IQSEC1: variants seen among roughly 807,000 people sequenced by gnomAD.
The protein encoded by IQSEC1 is IQ motif and SEC7 domain-containing protein 1.
In IQSEC1, 31 loss-of-function variants were observed where a neutral mutation model predicts 91.0. The ratio of observed to expected loss-of-function variants is 0.34; its 90% confidence interval spans 0.26 to 0.46. The LOEUF is 0.46. Ranked by LOEUF, IQSEC1 falls within the 20% of genes least tolerant of loss-of-function variation. IQSEC1 has a pLI of 1.00. For missense variants in IQSEC1, 1,388 were observed against 1,575.6 expected, an observed-to-expected ratio of 0.88 and a Z score of 2.02; for synonymous variants, 699 against 662.6, an observed-to-expected ratio of 1.05 and a Z score of -0.84.
intron 1 of IQSEC1, among the ~76,000 whole-genome samples, chr3:13,232,017 A>G (rs75321846): frequency 0.052 from 7,904 of 152,298 alleles, 612 homozygotes; most frequent in East Asian, 0.35. Context: ...GCCCCAACCT[A>G]GTGCACTGAC....
chr3:13,220,971 C>T (rs187519088), intron 1 of IQSEC1, among the ~76,000 whole-genome samples: 5 of 152,366 alleles, frequency 3.3e-5, no homozygotes, highest in Admixed American at 3.3e-4. Context: ...AGCTGCTGGC[C>T]TCATCCATGG....
At chr3:13,005,211 G>A (rs188359206) in intron 1 of IQSEC1, among the ~76,000 whole-genome samples, 125 of 152,244 alleles carry the variant, frequency 8.2e-4, no homozygotes, top group African/African-American at 2.9e-3. Flanking sequence ...TGATAAACAG[G>A]TCTCTTCCCT....
chr3:13,132,064 T>G (rs1706629356), intron 2 of IQSEC1, among the ~76,000 whole-genome samples: 1 of 152,224 alleles, frequency 6.6e-6, no homozygotes, highest in African/African-American at 2.4e-5. Flanking sequence ...TTCTGAAAAC[T>G]GTTCACTGGA....
In IQSEC1 at chr3:12,992,899, G is replaced by A. The variant is rs1003818424; in HGVS notation, c.24-51034C>T. Among the ~76,000 whole-genome samples the A allele has an allele frequency of 1.3e-5, 2 of 152,208 alleles. No homozygotes were observed. The highest frequency in any genetic ancestry group is 2.9e-5 in the Non-Finnish European group (2 of 68,032). On this transcript the variant is annotated intron_variant, in intron 1 of 13. Coordinates refer to ENST00000613206, the MANE Select transcript of IQSEC1 (RefSeq NM_001134382.3). This position sits in a 1 kb window ranked among gnomAD's most constrained non-coding sequence, Gnocchi z 4.1. ...GGGGAAGTTCCCCAGGACTATTAGG[G>A]GTGGGGAGAAGCTTGACTCACCTCT... is the stretch of plus-strand genomic sequence containing the variant.
chr3:13,064,741 G>C lies in IQSEC1; in HGVS notation c.23+8251C>G, dbSNP rs1705177520. Among the ~76,000 whole-genome samples the C allele has an allele frequency of 2.0e-5, 3 of 152,266 alleles. No homozygotes were observed. In the South Asian group the frequency reaches 6.2e-4, roughly 31 times the overall value. ...ATGCATTTTGTGGTTTAGATGTCAAGAGGAGTGAGGACCAGACTCGGATAG... is the reference window on the plus strand; with the variant it reads ...ATGCATTTTGTGGTTTAGATGTCAACAGGAGTGAGGACCAGACTCGGATAG... On this transcript the variant is annotated intron_variant, in intron 1 of 13. Transcript: ENST00000613206.
At chr3:12,965,355 G>C (rs551789990) in intron 1 of IQSEC1, among the ~76,000 whole-genome samples, 4 of 152,362 alleles carry the variant, frequency 2.6e-5, no homozygotes, top group Non-Finnish European at 1.5e-5. Flanking sequence ...GGTTTAGAGA[G>C]GGGGAGACGG....
At chr3:13,074,147 A>G (rs865827863), upstream of IQSEC1, among the ~76,000 whole-genome samples, 16 of 152,276 alleles carry the variant, frequency 1.1e-4, no homozygotes, top group Middle Eastern at 3.4e-3. Flanking sequence ...ATGAAAAGAG[A>G]GCAGGAAGAG....
At chr3:13,035,061 C>T (rs1225864109) in intron 1 of IQSEC1, among the ~76,000 whole-genome samples, 1 of 152,268 alleles carries the variant, frequency 6.6e-6, no homozygotes, top group African/African-American at 2.4e-5. Context: ...AGGGGCAGGA[C>T]AGGACCTGAA....
intron 1 of IQSEC1, among the ~76,000 whole-genome samples, chr3:13,026,367 T>C (rs371241713): frequency 1.1e-4 from 16 of 152,204 alleles, no homozygotes; most frequent in African/African-American, 2.2e-4. Flanking sequence ...CAAGGGAGCT[T>C]GTGTAGTGAC....
At chr3:13,222,986 G>A (rs9809112) in intron 1 of IQSEC1, among the ~76,000 whole-genome samples, 30,951 of 152,244 alleles carry the variant, frequency 0.2, 4,549 homozygotes, top group African/African-American at 0.4. Flanking sequence ...CCAAGGTGTC[G>A]ATCGTGATGG....
At chr3:12,933,129 C>G (rs1386116782) in intron 3 of IQSEC1, among the ~76,000 whole-genome samples, 1 of 152,204 alleles carries the variant, frequency 6.6e-6, no homozygotes, top group Non-Finnish European at 1.5e-5. Context: ...GACATACCAC[C>G]CCGCAGGGAG....
At chr3:13,254,743 G>C (rs925917372) in intron 1 of IQSEC1, among the ~76,000 whole-genome samples, 4 of 152,220 alleles carry the variant, frequency 2.6e-5, no homozygotes, top group Non-Finnish European at 4.4e-5. Flanking sequence ...CCAGCGAGCA[G>C]CAGGTGGCAG....
intron 1 of IQSEC1, among the ~76,000 whole-genome samples, chr3:13,032,862 G>A (rs1703897842): frequency 6.6e-6 from 1 of 152,146 alleles, no homozygotes; most frequent in Admixed American, 6.5e-5. Flanking sequence ...GGGATTACAG[G>A]CCTTAAAAAT....
chr3:13,239,676 G>A (rs1694987304), intron 1 of IQSEC1, among the ~76,000 whole-genome samples: 1 of 152,260 alleles, frequency 6.6e-6, no homozygotes, highest in South Asian at 2.1e-4. Context: ...CCCACCCACA[G>A]GGGTTCCCAG....
intron 2 of IQSEC1, among the ~76,000 whole-genome samples, chr3:13,163,826 A>G (rs1408789802): frequency 1.3e-5 from 2 of 152,086 alleles, no homozygotes; most frequent in East Asian, 3.9e-4. Flanking sequence ...CCAGCCCCAG[A>G]AAGGAAGGGA....
intron 1 of IQSEC1, among the ~76,000 whole-genome samples, chr3:13,241,232 T>C (rs750755324): frequency 4.6e-5 from 7 of 152,160 alleles, no homozygotes; most frequent in Non-Finnish European, 8.8e-5. Context: ...GTTTGGAAAA[T>C]GCTGAATTCC....
intron 3 of IQSEC1, among the ~76,000 whole-genome samples, chr3:12,933,421 C>T (rs982226280): frequency 6.6e-6 from 1 of 152,158 alleles, no homozygotes; most frequent in South Asian, 2.1e-4. Flanking sequence ...CCCAGCGATA[C>T]CCTCATAAGA....
chr3:12,959,005 A>C (rs1346274765), intron 1 of IQSEC1, among the ~76,000 whole-genome samples: 1 of 152,240 alleles, frequency 6.6e-6, no homozygotes. Context: ...ATGGAAGAGA[A>C]GCCAATTTGG....
intron 2 of IQSEC1, among the ~76,000 whole-genome samples, chr3:13,134,593 C>T (rs1015349557): frequency 6.6e-6 from 1 of 152,234 alleles, no homozygotes; most frequent in African/African-American, 2.4e-5. Flanking sequence ...TAACTGCTTT[C>T]TAGCCTCATG....
Sources: gnomAD v4.1 joint callset for allele counts (sites outside exome capture counted in the v4.1 genomes callset) on GRCh38, gnomAD v4.1.1 for gene constraint, Gnocchi (gnomAD v3.1) non-coding constraint, MANE v1.5 for transcripts, NCBI Gene and HGNC (gene_info 2026-07-23, HGNC 2026-07-21) for gene names.